MBNL1: variants seen among roughly 807,000 people sequenced by gnomAD.
MBNL1 encodes muscleblind like splicing regulator 1.
In MBNL1, 8 loss-of-function variants were observed where a neutral mutation model predicts 42.2. The observed-to-expected ratio is 0.19, with a 90% CI of 0.11 to 0.34. The LOEUF is 0.34. MBNL1 is among the 10% of genes least tolerant of loss of function. MBNL1 has a pLI of 1.00. For synonymous variants in MBNL1, 169 were observed against 173.9 expected, an observed-to-expected ratio of 0.97 and a Z score of 0.22; for missense variants, 309 against 495.3, an observed-to-expected ratio of 0.62 and a Z score of 3.57.
intron 1 of MBNL1, among the ~76,000 whole-genome samples, chr3:152,288,974 G>A (rs1292588873): frequency 1.3e-5 from 2 of 151,964 alleles, no homozygotes; most frequent in African/African-American, 4.8e-5. Context: ...TTTTTTGCAT[G>A]TTCCCACAAG....
At chr3:152,283,186 T>G (rs77414285) in intron 1 of MBNL1, among the ~76,000 whole-genome samples, 2,177 of 152,332 alleles carry the variant, frequency 0.014, 21 homozygotes, top group Middle Eastern at 0.051. Flanking sequence ...TGCAGCCATC[T>G]TTCATTGTAA....
At chr3:152,387,241 A>ATT (rs35150728) in intron 2 of MBNL1, among the ~76,000 whole-genome samples, 2 of 136,276 alleles carry the variant, frequency 1.5e-5, no homozygotes, top group African/African-American at 5.4e-5. Context: ...CAGTCTGTGT[A>ATT]TTTTTTTTTT....
intron 2 of MBNL1, among the ~76,000 whole-genome samples, chr3:152,347,121 A>G (rs1209227797): frequency 1.3e-5 from 2 of 152,130 alleles, no homozygotes; most frequent in African/African-American, 2.4e-5. Flanking sequence ...TTTTGGAGCT[A>G]TGCTGACATA....
At chr3:152,384,847 T>G (rs1038294242) in intron 2 of MBNL1, among the ~76,000 whole-genome samples, 3 of 152,126 alleles carry the variant, frequency 2.0e-5, no homozygotes, top group Non-Finnish European at 4.4e-5. Flanking sequence ...TTCCAAACTT[T>G]GTACCATTAG....
intron 2 of MBNL1, among the ~76,000 whole-genome samples, chr3:152,380,871 G>A (rs780620023): frequency 6.6e-6 from 1 of 151,786 alleles, no homozygotes; most frequent in Non-Finnish European, 1.5e-5. Flanking sequence ...CTGAATAATC[G>A]AACTATTCAC....
At chr3:152,329,494 A>G (rs1303576482) in intron 2 of MBNL1, among the ~76,000 whole-genome samples, 1 of 151,108 alleles carries the variant, frequency 6.6e-6, no homozygotes, top group East Asian at 1.9e-4. Context: ...AAGAAAAGAA[A>G]AAAAATTAGC....
chr3:152,337,553 G>T (rs1300891087), intron 2 of MBNL1, among the ~76,000 whole-genome samples: 2 of 151,620 alleles, frequency 1.3e-5, no homozygotes, highest in Admixed American at 1.3e-4. Context: ...GGGAGGTGGA[G>T]GTTGCAGTGA....
intron 2 of MBNL1, among the ~76,000 whole-genome samples, chr3:152,344,313 G>C (rs980838201): frequency 4.6e-5 from 7 of 152,102 alleles, no homozygotes; most frequent in Non-Finnish European, 1.5e-5. Context: ...AGCCCTAACT[G>C]TGCCTTCTCT....
intron 2 of MBNL1, among the ~76,000 whole-genome samples, chr3:152,301,616 A>G (rs1447265859): frequency 6.6e-6 from 1 of 152,192 alleles, no homozygotes; most frequent in Non-Finnish European, 1.5e-5. Flanking sequence ...AACAACAAAA[A>G]TATTTTAAAA....
At chr3:152,258,148 C>T (rs1054528122) in intron 2 of MBNL1, among the ~76,000 whole-genome samples, 3 of 152,058 alleles carry the variant, frequency 2.0e-5, no homozygotes, top group Non-Finnish European at 2.9e-5. Context: ...TTTGAATCCT[C>T]ATATTTTGAA....
intron 2 of MBNL1, among the ~76,000 whole-genome samples, chr3:152,301,307 CT>C (rs2060628136): frequency 6.6e-6 from 1 of 152,138 alleles, no homozygotes; most frequent in African/African-American, 2.4e-5. Context: ...TACTTTCAGC[CT>C]ACTTGGTTTA....
chr3:152,300,459 C>A, intron 2 of MBNL1, 92 bp downstream of exon 2: 1 of 1,100,930 alleles, frequency 9.1e-7, no homozygotes, highest in Non-Finnish European at 1.3e-6. Flanking sequence ...TTATGGATTG[C>A]TTTGTTCATA....
intron 2 of MBNL1, among the ~76,000 whole-genome samples, chr3:152,325,531 A>G (rs2152488073): frequency 6.6e-6 from 1 of 152,266 alleles, no homozygotes; most frequent in Admixed American, 6.5e-5. Flanking sequence ...AACACAAAAT[A>G]TATTGAAGAT....
rs750995625 is a variant in MBNL1 at position 152,310,073 on chromosome 3, C to T, written c.174+9706C>T. The stretch of plus-strand genomic sequence containing the variant: ...GTTTGTTATGAAATATTTTGGAAAC[C>T]GCTGCATAGTCAGTGTAGGAGGAGC... On this transcript the variant is annotated intron_variant, in intron 2 of 9. Transcript: ENST00000324210. 2.8e-4 allele frequency among the ~76,000 whole-genome samples: 43 copies of T among 152,080 alleles called. 1 individual carries two copies. Among genetic ancestry groups the T allele is most frequent in the African/African-American group, 1.0e-3 (42 of 41,384 alleles).
chr3:152,364,928 A>G lies in MBNL1; in HGVS notation c.175-50013A>G, dbSNP rs184307589. On this transcript the variant is annotated intron_variant, in intron 2 of 9. Coordinates refer to ENST00000324210, the MANE Select transcript of MBNL1 (RefSeq NM_021038.5). ...GATCCAGGGGACGTTGGTTCGATGTACTAGCAGCTGCATGAAAATGGACTG... is the reference window on the plus strand; with the variant it reads ...GATCCAGGGGACGTTGGTTCGATGTGCTAGCAGCTGCATGAAAATGGACTG... Among the ~76,000 whole-genome samples the G allele has an allele frequency of 7.9e-5, 12 of 151,926 alleles. No individual in the cohort carries two copies. In the East Asian group the frequency reaches 2.1e-3, roughly 27 times the overall value.
rs570023713 is a variant in MBNL1, at chr3:152,324,036, C to T, written c.174+23669C>T. 4.1e-4 allele frequency among the ~76,000 whole-genome samples: 63 copies of T among 152,274 alleles called. No individual in the cohort carries two copies. The South Asian group carries it at 0.011, about 27-fold the overall frequency. The stretch of plus-strand genomic sequence containing the variant: ...TTGCTGACCCAGATAACTTCATTTC[C>T]TTCAGCTGTGCTTTCATTTTCAACT... On this transcript the variant is annotated intron_variant, in intron 2 of 9. Transcript: ENST00000324210.
intron 2 of MBNL1, among the ~76,000 whole-genome samples, chr3:152,328,039 A>G (rs2081566336): frequency 6.6e-6 from 1 of 152,182 alleles, no homozygotes; most frequent in Non-Finnish European, 1.5e-5. Flanking sequence ...AGTAAATTAT[A>G]AGATCCTGTG....
In MBNL1 at chr3:152,299,651, G is replaced by C. The variant is rs2059963404; in HGVS notation, c.-543G>C. On this transcript the variant is annotated 5_prime_UTR_variant, in exon 2 of 10. Transcript: ENST00000324210. ...GAAAAAGTAAGATATCTTCTGCCAGGAAATCAAGGAGGAAAAAAAAAATCA... is the reference window on the plus strand; with the variant it reads ...GAAAAAGTAAGATATCTTCTGCCAGCAAATCAAGGAGGAAAAAAAAAATCA... 2.5e-6 allele frequency: 1 copy of C among 398,436 alleles called. No homozygotes were observed. The highest frequency in any genetic ancestry group is 4.4e-6 in the Non-Finnish European group (1 of 226,100). The allele number at this position is 398,436 out of a possible 1,614,324, so 24.7% of individuals were successfully genotyped here.
rs1291518800 is a variant in MBNL1, at chr3:152,432,856, G to A, written c.485G>A (p.Gly162Asp). 2 of 1,614,040 alleles carry A rather than the reference G, an allele frequency of 1.2e-6. No individual in the cohort carries two copies. The highest frequency in any genetic ancestry group is 1.7e-6 in the Non-Finnish European group (2 of 1,180,026). ...TAPMLVTGNP[G>D]VPVPAAAAAA... is the part of the protein sequence containing the mutation. ...CCAATGTTGGTTACAGGGAATCCGG[G>A]TGTCCCTGTACCTGCAGCTGCTGCA... Residue 162 changes from glycine (G) to aspartate (D), a missense_variant, in exon 4 of 10, where the codon GGT becomes GAT. Gly to Asp is a moderately conservative substitution (Grantham distance 94). Transcript: ENST00000324210.
Sources: allele counts gnomAD v4.1 joint callset (sites outside exome capture counted in the v4.1 genomes callset), GRCh38; gene constraint gnomAD v4.1.1; transcripts MANE v1.5; gene names NCBI Gene and HGNC (gene_info 2026-07-23, HGNC 2026-07-21).